The following BAHD1 variants were observed in gnomAD, a reference collection of about 807,000 sequenced individuals.
The protein encoded by BAHD1 is bromo adjacent homology domain-containing 1 protein.
A neutral mutation model predicts 63.1 loss-of-function variants in BAHD1; 20 were observed. The ratio of observed to expected loss-of-function variants is 0.32; its 90% confidence interval spans 0.22 to 0.46. The LOEUF is 0.46. BAHD1 is among the 20% of genes least tolerant of loss of function. The probability of loss-of-function intolerance (pLI) is 1.00; values close to 1 mark genes in which losing one functional copy is unlikely to be tolerated. For missense variants in BAHD1, 939 were observed against 1,071.8 expected, an observed-to-expected ratio of 0.88 and a Z score of 1.73; for synonymous variants, 408 against 426.8, an observed-to-expected ratio of 0.96 and a Z score of 0.54.
At chr15:40,438,330 C>T (rs1422348778), upstream of BAHD1, among the ~76,000 whole-genome samples, 11 of 152,212 alleles carry the variant, frequency 7.2e-5, no homozygotes, top group Non-Finnish European at 1.5e-5. Flanking sequence ...CAAAAGTTCC[C>T]TTTGGGGGAC....
chr15:40,461,183 C>T (rs538438756), intron 2 of BAHD1, among the ~76,000 whole-genome samples: 6 of 152,238 alleles, frequency 3.9e-5, no homozygotes, highest in African/African-American at 1.4e-4. Context: ...ACCTATCTCA[C>T]AGGGTTTTTG....
At chr15:40,438,385 C>T (rs1893320173), upstream of BAHD1, among the ~76,000 whole-genome samples, 1 of 152,162 alleles carries the variant, frequency 6.6e-6, no homozygotes, top group South Asian at 2.1e-4. Flanking sequence ...CTTGTTTTAA[C>T]AAGCAATAGG....
intron 5 of BAHD1, 192 bp from the exon 6 acceptor site, chr15:40,465,143 G>C (rs142772327): frequency 1.5e-5 from 9 of 595,724 alleles, no homozygotes; most frequent in Admixed American, 2.9e-5. Context: ...TCTGGAGAAG[G>C]GGGGGACCTA....
rs1185904188 is a variant in BAHD1, at chr15:40,458,517, G to A, written c.53G>A (p.Gly18Asp). The change falls in exon 2 of 7, where the codon GGC (glycine) becomes GAC (aspartate). Residue 18 changes from glycine to aspartate, a missense_variant. Physicochemically the swap from Gly to Asp is moderately conservative, Grantham distance 94 (BLOSUM62 -1). Around this residue, in one of 5 missense-constraint regions of BAHD1, gnomAD observed 797 missense variants for 813.3 expected, o/e 0.98. Transcript: ENST00000416165. This position sits in a 1 kb window ranked among gnomAD's most constrained non-coding sequence, Gnocchi z 4.7. ...CCCATGCTGAGTTCGGGCCTCACTG[G>A]CCGCCGAGAGCCCCTGCAGATGGAA... Reference protein sequence around the residue: ...SLPMLSSGLTGRREPLQMEDS... With the variant: ...SLPMLSSGLTDRREPLQMEDS... 1.2e-6 allele frequency: 2 copies of A among 1,611,838 alleles called. No homozygotes were observed. Among genetic ancestry groups the A allele is most frequent in the East Asian group, 2.2e-5 (1 of 44,860 alleles).
chr15:40,446,270 G>A (rs1893537383), intron 1 of BAHD1, among the ~76,000 whole-genome samples: 1 of 152,264 alleles, frequency 6.6e-6, no homozygotes, highest in Non-Finnish European at 1.5e-5. Context: ...ACCAGCAGCA[G>A]TGAGGCTGCA....
Position 40,458,514 on chromosome 15 carries a change from C to A in BAHD1, c.50C>A (p.Thr17Asn). 1 of 1,611,444 alleles carries A rather than the reference C, an allele frequency of 6.2e-7. No individual in the cohort carries two copies. The highest frequency in any genetic ancestry group is 8.5e-7 in the Non-Finnish European group (1 of 1,178,568). Residue 17 changes from threonine to asparagine, a missense_variant, in exon 2 of 7, where the codon ACT becomes AAT. By Grantham distance (65) the Thr-to-Asn change is moderately conservative. Coordinates refer to ENST00000416165, the MANE Select transcript of BAHD1 (RefSeq NM_014952.5). The surrounding 1 kb of genome is among the most constrained non-coding windows in gnomAD (Gnocchi z 4.7). ...CTTCCCATGCTGAGTTCGGGCCTCA[C>A]TGGCCGCCGAGAGCCCCTGCAGATG... is the stretch of plus-strand genomic sequence containing the variant. ...KSLPMLSSGLTGRREPLQMED... is the reference protein window; with the variant it reads ...KSLPMLSSGLNGRREPLQMED...
chr15:40,465,286 T>C, intron 5 of BAHD1, 49 bp from the exon 6 acceptor site: 1 of 1,539,708 alleles, frequency 6.5e-7, no homozygotes, highest in South Asian at 1.1e-5. Flanking sequence ...GCTCTGGGAA[T>C]GAGGTGCTTT....
chr15:40,449,425 A>G (rs2141484700), intron 1 of BAHD1, among the ~76,000 whole-genome samples: 1 of 152,324 alleles, frequency 6.6e-6, no homozygotes, highest in African/African-American at 2.4e-5. Context: ...GTAGTACTAC[A>G]TTCACTTGCT....
rs1342125709 is a variant in BAHD1, at chr15:40,467,967, CT to C, written c.*1841del. 6.6e-6 allele frequency: 1 copy of C among 152,588 alleles called. No individual in the cohort carries two copies. The highest frequency in any genetic ancestry group is 1.5e-5 in the Non-Finnish European group (1 of 68,044). 9.5% of individuals were successfully genotyped at this position (152,588 alleles called of 1,614,324 possible). A position where few individuals can be genotyped will look rare whatever the true frequency, so the allele number is the denominator to read the frequency against. The stretch of plus-strand genomic sequence containing the variant: ...GTCTTGGCTGCCCCGAACTTAAATG[CT>C]TTTGAAATCTCTTAGATGTGGAAAT... On this transcript the variant is annotated 3_prime_UTR_variant, in exon 7 of 7. Transcript: ENST00000416165.
rs765026573 is a variant in BAHD1 at position 40,466,132 on chromosome 15, C to T, written c.*2C>T. Reference sequence around the variant, plus strand: ...CGCATCCTTAAGAACCCCCAGTAGCCTCCTCATGCCCATGCTGGGGCTACC... The same window carrying T: ...CGCATCCTTAAGAACCCCCAGTAGCTTCCTCATGCCCATGCTGGGGCTACC... On this transcript the variant is annotated 3_prime_UTR_variant, in exon 7 of 7. Transcript: ENST00000416165. 3 of 1,611,078 alleles carry T rather than the reference C, an allele frequency of 1.9e-6. No homozygotes were observed. In the African/African-American group the frequency reaches 4.0e-5, roughly 22 times the overall value.
Position 40,459,508 on chromosome 15 carries a change from C to T in BAHD1, c.1044C>T (p.Pro348=), listed in dbSNP as rs147960758. ...PKQELHQPSF[P]TPQLSPLPMP... ...AGGAACTGCATCAGCCCTCTTTCCC[C>T]ACACCTCAGCTGTCGCCGCTGCCGA... The change falls in exon 2 of 7, where the codon CCC becomes CCT. Residue 348 remains proline (P), a synonymous_variant. Transcript: ENST00000416165. 3.8e-5 allele frequency: 62 copies of T among 1,613,994 alleles called. No individual in the cohort carries two copies. The African/African-American group carries it at 7.2e-4, about 19-fold the overall frequency.
intron 1 of BAHD1, chr15:40,454,678 C>T (rs1346020867): frequency 6.6e-6 from 1 of 152,214 alleles, no homozygotes; most frequent in Non-Finnish European, 1.5e-5. Flanking sequence ...TCCTAGAGAC[C>T]TTCCCAAGAG....
chr15:40,440,573 C>G (rs951484404), upstream of BAHD1, among the ~76,000 whole-genome samples: 2 of 138,156 alleles, frequency 1.4e-5, no homozygotes, highest in African/African-American at 5.5e-5. Context: ...TAAGATTTTT[C>G]CGGGGGGGCT....
In BAHD1 at chr15:40,458,928, G is replaced by A. The variant is rs377611978; in HGVS notation, c.464G>A (p.Arg155His). Residue 155 changes from arginine to histidine, a missense_variant, in exon 2 of 7, where the codon CGT (arginine) becomes CAT (histidine). Arg to His is a conservative substitution (Grantham distance 29). This residue lies in a region of BAHD1 where 797 missense variants were observed against 813.3 expected (regional missense o/e 0.98). Coordinates refer to ENST00000416165, the MANE Select transcript of BAHD1 (RefSeq NM_014952.5). The surrounding 1 kb of genome is among the most constrained non-coding windows in gnomAD (Gnocchi z 4.7). ...RSRAGDPHRSRDRDRATGGWS... is the reference protein window; with the variant it reads ...RSRAGDPHRSHDRDRATGGWS... ...CGAGCAGGGGATCCCCACCGCAGCC[G>A]TGACCGTGATCGTGCTACTGGGGGC... The A allele has an allele frequency of 4.4e-6, 7 of 1,596,060 alleles. No homozygotes were observed. Among genetic ancestry groups the A allele is most frequent in the South Asian group, 2.3e-5 (2 of 88,824 alleles).
Position 40,466,014 on chromosome 15 carries a change from G to A in BAHD1, c.2227G>A (p.Asp743Asn), listed in dbSNP as rs1894191984. Residue 743 changes from aspartate (D) to asparagine (N), a missense_variant, in exon 7 of 7, where the codon GAC becomes AAC. By Grantham distance (23) the Asp-to-Asn change is conservative (BLOSUM62 1). This residue lies in a region of BAHD1 where 68 missense variants were observed against 86.2 expected (regional missense o/e 0.79). Transcript: ENST00000416165. Reference sequence around the variant, plus strand: ...GACAGCACTGGTTCCCCCCTCTGCAGACTATTCCACCCCACCCCACCGCAC... The same window carrying A: ...GACAGCACTGGTTCCCCCCTCTGCAAACTATTCCACCCCACCCCACCGCAC... The part of the protein sequence containing the change: ...RKTALVPPSA[D>N]YSTPPHRTVP... The A allele has an allele frequency of 6.2e-7, 1 of 1,613,882 alleles. No individual in the cohort carries two copies. Among genetic ancestry groups the A allele is most frequent in the East Asian group, 2.2e-5 (1 of 44,842 alleles).
At chr15:40,464,162 G>A in intron 4 of BAHD1, 142 bp downstream of exon 4, 1 of 1,027,626 alleles carries the variant, frequency 9.7e-7, no homozygotes, top group South Asian at 1.6e-5. Flanking sequence ...ACTCGGCTGG[G>A]GTCTCTCTGC....
Position 40,462,202 on chromosome 15 carries a change from G to T in BAHD1, c.1723G>T (p.Val575Phe), listed in dbSNP as rs751740627. 6.2e-7 allele frequency: 1 copy of T among 1,612,420 alleles called. No homozygotes were observed. The highest frequency in any genetic ancestry group is 8.5e-7 in the Non-Finnish European group (1 of 1,179,762). Reference sequence around the variant, plus strand: ...GCCTAGCCACCCCAAGCAGCCACGTGTCCAGCGCCCACGCCCTCGCCGCCG... The same window carrying T: ...GCCTAGCCACCCCAAGCAGCCACGTTTCCAGCGCCCACGCCCTCGCCGCCG... ...RRPSHPKQPR[V>F]QRPRPRRRRR... The change falls in exon 3 of 7, where the codon GTC (valine) becomes TTC (phenylalanine). Residue 575 changes from valine (V) to phenylalanine (F), a missense_variant. Coordinates refer to ENST00000416165, the MANE Select transcript of BAHD1 (RefSeq NM_014952.5).
rs1372343417 is a variant in BAHD1 at position 40,458,398 on chromosome 15, G to C, written c.-14-53G>C. 6.6e-7 allele frequency: 1 copy of C among 1,512,516 alleles called. No individual in the cohort carries two copies. 93.7% of individuals were successfully genotyped at this position (1,512,516 alleles called of 1,614,324 possible). A position where few individuals can be genotyped will look rare whatever the true frequency, so the allele number is the denominator to read the frequency against. On this transcript the variant is annotated intron_variant, in intron 1 of 6. Transcript: ENST00000416165. This position sits in a 1 kb window ranked among gnomAD's most constrained non-coding sequence, Gnocchi z 4.7. ...GTAGGCTGCAGTGGGAGAGAAAGCA[G>C]GCAGGAGCAGGCCAGAGAGGGCTTC...
At chr15:40,448,055 A>G (rs1442164172) in intron 1 of BAHD1, among the ~76,000 whole-genome samples, 1 of 152,138 alleles carries the variant, frequency 6.6e-6, no homozygotes, top group Non-Finnish European at 1.5e-5. Flanking sequence ...CATCCTGGCC[A>G]ACATGGTGAA....
Sources: gnomAD v4.1 joint callset for allele counts (sites outside exome capture counted in the v4.1 genomes callset) on GRCh38, gnomAD v4.1.1 for gene constraint, gnomAD v4.1.1 regional missense constraint, Gnocchi (gnomAD v3.1) non-coding constraint, MANE v1.5 for transcripts, NCBI Gene and HGNC (gene_info 2026-07-23, HGNC 2026-07-21) for gene names.